Variants in LUZP2 observed in about 807,000 individuals in gnomAD.
The protein encoded by LUZP2 is leucine zipper protein 2.
Under a neutral mutation model 51.6 loss-of-function variants are expected in LUZP2, and 52 were observed. The ratio of observed to expected loss-of-function variants is 1.01; its 90% CI spans 0.81 to 1.27. The LOEUF (loss-of-function observed/expected upper bound fraction) is 1.27, where lower values mean the gene tolerates loss of function less well. Ranked by LOEUF, LUZP2 falls within the 50% of genes most tolerant of loss-of-function variation. The probability of loss-of-function intolerance (pLI) is 0.00; values close to 1 mark genes in which losing one functional copy is unlikely to be tolerated. For synonymous variants in LUZP2, 154 were observed against 137.3 expected (o/e 1.12, Z -0.85); for missense variants, 436 against 395.4 (o/e 1.10, Z -0.87).
chr11:25,016,929 G>A (rs1022829950), intron 9 of LUZP2, among the ~76,000 whole-genome samples: 6 of 128,514 alleles, frequency 4.7e-5, no homozygotes, highest in Non-Finnish European at 8.9e-5. Flanking sequence ...CTTCCTTGCC[G>A]ACATCATTTT....
At position 25,016,935 on chromosome 11, in the gene LUZP2, A is replaced by AT. The variant is rs34563114; in HGVS notation, c.766-33093dup. ...TTTTCATCACTTCCTTGCCGACATC[A>AT]TTTTTTTTTTACTTTTTAGTAATGG... On this transcript the variant is annotated intron_variant, in intron 9 of 11. Coordinates refer to ENST00000336930, the MANE Select transcript of LUZP2 (RefSeq NM_001009909.4). Among the ~76,000 whole-genome samples, 1,212 of 150,266 alleles carry AT rather than the reference A, an allele frequency of 8.1e-3. 33 individuals carry two copies. In the East Asian group the frequency reaches 0.099, roughly 12 times the overall value.
At chr11:24,585,931 A>G (rs1853049668) in intron 1 of LUZP2, among the ~76,000 whole-genome samples, 1 of 152,222 alleles carries the variant, frequency 6.6e-6, no homozygotes, top group South Asian at 2.1e-4. Flanking sequence ...GTTCAGGGGC[A>G]GAGAAATGAA....
intron 9 of LUZP2, among the ~76,000 whole-genome samples, chr11:25,026,245 A>G (rs1017419598): frequency 1.3e-5 from 2 of 152,142 alleles, no homozygotes; most frequent in African/African-American, 4.8e-5. Flanking sequence ...TACATATGTA[A>G]CAAACCTGCA....
chr11:24,601,922 A>ATATATATG (rs1163588179), intron 1 of LUZP2, among the ~76,000 whole-genome samples: 7 of 66,026 alleles, frequency 1.1e-4, no homozygotes, highest in African/African-American at 2.3e-4. Context: ...GTATATATGT[A>ATATATATG]TATATATGTA....
chr11:24,856,889 A>C (rs935491719), intron 5 of LUZP2, among the ~76,000 whole-genome samples: 1 of 152,082 alleles, frequency 6.6e-6, no homozygotes, highest in Admixed American at 6.6e-5. Flanking sequence ...GAGCTAAATA[A>C]AGTATATACA....
intron 1 of LUZP2, among the ~76,000 whole-genome samples, chr11:24,581,350 T>C (rs1473885951): frequency 1.3e-5 from 2 of 152,164 alleles, no homozygotes; most frequent in African/African-American, 2.4e-5. Flanking sequence ...ACAGGTATAC[T>C]AATAATCTAA....
chr11:24,569,124 G>T (rs1022990131), intron 1 of LUZP2, among the ~76,000 whole-genome samples: 10 of 151,966 alleles, frequency 6.6e-5, no homozygotes, highest in Non-Finnish European at 1.0e-4. Context: ...AGACCTTTGG[G>T]TTAAAATATT....
chr11:25,030,678 A>G (rs1857619028), intron 9 of LUZP2, among the ~76,000 whole-genome samples: 1 of 151,078 alleles, frequency 6.6e-6, no homozygotes. Context: ...ATAAGAGATA[A>G]AACCATCATT....
intron 1 of LUZP2, among the ~76,000 whole-genome samples, chr11:24,651,822 AG>A (rs1349529153): frequency 1.3e-5 from 2 of 152,144 alleles, no homozygotes; most frequent in African/African-American, 2.4e-5. Flanking sequence ...AGGTCTCCTG[AG>A]GAAGAGGAAA....
chr11:24,804,716 T>C (rs1326548252), intron 5 of LUZP2, among the ~76,000 whole-genome samples: 1 of 152,196 alleles, frequency 6.6e-6, no homozygotes, highest in Non-Finnish European at 1.5e-5. Context: ...ATTCTTTTAT[T>C]GCCTGCTTCA....
At chr11:24,693,841 A>G (rs1012494649) in intron 1 of LUZP2, among the ~76,000 whole-genome samples, 1 of 152,040 alleles carries the variant, frequency 6.6e-6, no homozygotes, top group African/African-American at 2.4e-5. Context: ...AGAAGATATA[A>G]CAATGACCAA....
At chr11:25,043,160 T>C (rs886570496) in intron 9 of LUZP2, among the ~76,000 whole-genome samples, 3 of 152,162 alleles carry the variant, frequency 2.0e-5, no homozygotes, top group Non-Finnish European at 4.4e-5. Context: ...AAAATAGATT[T>C]CTGTTGTTTT....
intron 1 of LUZP2, among the ~76,000 whole-genome samples, chr11:24,606,327 T>A (rs762128432): frequency 6.6e-6 from 1 of 152,036 alleles, no homozygotes; most frequent in Non-Finnish European, 1.5e-5. Context: ...GATTAAATGA[T>A]CTTGCCCAGC....
At chr11:24,962,502 C>T (rs1329724217) in intron 7 of LUZP2, among the ~76,000 whole-genome samples, 2 of 152,102 alleles carry the variant, frequency 1.3e-5, no homozygotes, top group African/African-American at 2.4e-5. Context: ...CTTCTTGCTT[C>T]ACTTCATTCA....
At chr11:24,923,880 A>T (rs1270924501) in intron 7 of LUZP2, among the ~76,000 whole-genome samples, 1 of 152,142 alleles carries the variant, frequency 6.6e-6, no homozygotes, top group African/African-American at 2.4e-5. Context: ...AGATGAATTC[A>T]TATTTTGCTG....
At chr11:24,580,271 T>C (rs1852801225) in intron 1 of LUZP2, among the ~76,000 whole-genome samples, 1 of 152,138 alleles carries the variant, frequency 6.6e-6, no homozygotes, top group South Asian at 2.1e-4. Flanking sequence ...TCTGGTGCTG[T>C]TTAAGGACAT....
chr11:24,566,398 G>T (rs1410086598), intron 1 of LUZP2, among the ~76,000 whole-genome samples: 1 of 145,560 alleles, frequency 6.9e-6, no homozygotes, highest in Non-Finnish European at 1.5e-5. Context: ...GGCGTGATAC[G>T]GCTTACCACA....
At chr11:24,792,744 A>G (rs1054979459) in intron 5 of LUZP2, among the ~76,000 whole-genome samples, 1 of 152,082 alleles carries the variant, frequency 6.6e-6, no homozygotes, top group African/African-American at 2.4e-5. Flanking sequence ...TATGCCCTGA[A>G]TTTCCTCCCA....
chr11:24,878,439 A>G (rs931706339), intron 5 of LUZP2, among the ~76,000 whole-genome samples: 1 of 151,750 alleles, frequency 6.6e-6, no homozygotes, highest in Non-Finnish European at 1.5e-5. Context: ...TTTGTATGTT[A>G]TTTGCTTCTT....
Sources: allele counts gnomAD v4.1 joint callset (sites outside exome capture counted in the v4.1 genomes callset), GRCh38; gene constraint gnomAD v4.1.1; transcripts MANE v1.5; gene names NCBI Gene and HGNC (gene_info 2026-07-23, HGNC 2026-07-21).